The following MROH7 variants were observed in gnomAD, a reference collection of about 807,000 sequenced individuals.
The protein encoded by MROH7 is maestro heat like repeat family member 7, also known as maestro heat-like repeat-containing protein family member 7.
MROH7 carries 113 observed loss-of-function variants against 129.2 expected under a neutral mutation model. That is an observed-to-expected ratio of 0.87 (90% CI 0.75 to 1.02). MROH7 has a LOEUF of 1.02. Ranked by LOEUF, MROH7 falls within the 50% of genes least tolerant of loss-of-function variation. The pLI, the probability that MROH7 is intolerant of heterozygous loss-of-function variation, is 0.00. For synonymous variants in MROH7, 655 were observed against 667.9 expected (o/e 0.98, Z 0.30); for missense variants, 1,601 against 1,671.3 (o/e 0.96, Z 0.73).
At chr1:54,670,677 ACCCCTCGCCCGGTGCCTTTTCCCCT>A (rs1644884532) in intron 6 of MROH7, 98 bp from the exon 7 acceptor site, 4 of 338,000 alleles carry the variant, frequency 1.2e-5, no homozygotes, top group African/African-American at 5.0e-5. Flanking sequence ...ACCCGCCCCC[ACCCCTCGCCCGGTGCCTTTTCCCCT>A]CCCCTTGCCC....
chr1:54,659,115 A>G (rs375183790), intron 3 of MROH7: 3 of 443,188 alleles, frequency 6.8e-6, no homozygotes, highest in East Asian at 7.4e-5. Context: ...TTTTTTTTAG[A>G]TGGAGTTTCA....
chr1:54,658,715 C>T (rs473223), intron 3 of MROH7, among the ~76,000 whole-genome samples: 127,239 of 152,050 alleles, frequency 0.84, 53,833 homozygotes, highest in East Asian at 1. Context: ...TAATCCTTCT[C>T]CTGGGGCTAG....
At chr1:54,645,300 G>T (rs1313766048) in intron 1 of MROH7, among the ~76,000 whole-genome samples, 2 of 151,640 alleles carry the variant, frequency 1.3e-5, no homozygotes, top group Non-Finnish European at 2.9e-5. Flanking sequence ...TTCTGAGACA[G>T]TCTTGCTCTG....
intron 2 of MROH7, among the ~76,000 whole-genome samples, chr1:54,652,314 C>T (rs1644570637): frequency 6.6e-6 from 1 of 152,188 alleles, no homozygotes; most frequent in African/African-American, 2.4e-5. Flanking sequence ...TACCCTGTCA[C>T]ATGTGGCCAG....
intron 13 of MROH7, among the ~76,000 whole-genome samples, chr1:54,681,449 C>T (rs541335529): frequency 4.6e-5 from 7 of 152,302 alleles, no homozygotes; most frequent in African/African-American, 7.2e-5. Context: ...TATAGTGTCC[C>T]CATCAGTTCT....
chr1:54,645,339 G>C (rs1045518503), intron 1 of MROH7, among the ~76,000 whole-genome samples: 2 of 151,974 alleles, frequency 1.3e-5, no homozygotes, highest in African/African-American at 4.8e-5. Flanking sequence ...AGTGGTAGTG[G>C]TGCAATCTTG....
chr1:54,669,953 G>A (rs529273821), intron 5 of MROH7, among the ~76,000 whole-genome samples: 1 of 148,214 alleles, frequency 6.7e-6, no homozygotes, highest in South Asian at 2.1e-4. Context: ...GCAGTGAGCC[G>A]AGATTGTGCC....
intron 3 of MROH7, chr1:54,663,768 G>A: frequency 4.4e-6 from 2 of 453,608 alleles, no homozygotes; most frequent in Non-Finnish European, 8.8e-6. Context: ...GGTGTCTCAG[G>A]TTCATCCTGG....
At chr1:54,690,952 AG>A (rs1427370627) in intron 15 of MROH7, among the ~76,000 whole-genome samples, 46 of 152,326 alleles carry the variant, frequency 3.0e-4, no homozygotes, top group African/African-American at 1.1e-3. Context: ...AGGGTGGTCC[AG>A]TCACCGGAGG....
At chr1:54,700,955 G>A (rs946405769) in intron 18 of MROH7, among the ~76,000 whole-genome samples, 188 bp from the exon 19 acceptor site, 49 of 152,366 alleles carry the variant, frequency 3.2e-4, no homozygotes, top group Admixed American at 2.0e-3. Context: ...GAGTCAGTGA[G>A]GCCAAAGAAG....
chr1:54,692,556 G>A lies in MROH7; in HGVS notation c.2844G>A (p.Leu948=). Residue 948 remains leucine, a synonymous_variant, in exon 16 of 24, where the codon CTG becomes CTA. Coordinates refer to ENST00000421030, the MANE Select transcript of MROH7 (RefSeq NM_001039464.4). ...GCCACCACCGCGGAGTGGCCTTGCT[G>A]GCAAGGTGAGTCCCGGGACCACCTT... ...VESHHRGVAL[L]ARAMVQYSCQ... is the part of the protein sequence containing the mutation. 1 of 1,613,092 alleles carries A rather than the reference G, an allele frequency of 6.2e-7. No individual in the cohort carries two copies.
intron 10 of MROH7, among the ~76,000 whole-genome samples, chr1:54,677,618 C>G (rs938584251): frequency 6.6e-6 from 1 of 152,168 alleles, no homozygotes; most frequent in Non-Finnish European, 1.5e-5. Flanking sequence ...CTCTCCTTTA[C>G]AAACAGCACA....
At position 54,703,016 on chromosome 1, in the gene MROH7, C is replaced by T. The variant is rs1645464870; in HGVS notation, c.3564+271C>T. 6.6e-6 allele frequency among the ~76,000 whole-genome samples: 1 copy of T among 152,088 alleles called. No individual in the cohort carries two copies. Among genetic ancestry groups the T allele is most frequent in the Admixed American group, 6.6e-5 (1 of 15,258 alleles). ...GAGCCTGTGCCTTTTCCTTTCAATT[C>T]CTCCTTTTCCCTCTAGAGCCCCCAA... On this transcript the variant is annotated intron_variant, in intron 21 of 23. Transcript: ENST00000421030. The surrounding 1 kb of genome is among the most constrained non-coding windows in gnomAD (Gnocchi z 4.4).
intron 3 of MROH7, among the ~76,000 whole-genome samples, chr1:54,655,674 T>C (rs1168433480): frequency 2.0e-5 from 3 of 152,036 alleles, no homozygotes; most frequent in Non-Finnish European, 1.5e-5. Context: ...TGTTCCACCA[T>C]GCCCAGCCTC....
At chr1:54,679,758 CCTCT>C in intron 12 of MROH7, 129 bp from the exon 13 acceptor site, 2 of 870,982 alleles carry the variant, frequency 2.3e-6, no homozygotes, top group South Asian at 3.2e-5. Flanking sequence ...CTTGCCTCTT[CCTCT>C]CTCTCTCCTT....
At chr1:54,705,122 T>C (rs111659628) in intron 21 of MROH7, among the ~76,000 whole-genome samples, 1 of 152,332 alleles carries the variant, frequency 6.6e-6, no homozygotes, top group African/African-American at 2.4e-5. Context: ...TTAAACACTG[T>C]GCTTGTCATT....
intron 3 of MROH7, among the ~76,000 whole-genome samples, chr1:54,657,709 T>A (rs1363052181): frequency 6.7e-6 from 1 of 149,900 alleles, no homozygotes; most frequent in Non-Finnish European, 1.5e-5. Flanking sequence ...TGAGATGGAG[T>A]CTTGATTGCA....
intron 15 of MROH7, among the ~76,000 whole-genome samples, chr1:54,691,754 C>T (rs930554218): frequency 4.8e-5 from 7 of 144,814 alleles, no homozygotes; most frequent in South Asian, 2.2e-4. Context: ...TGCAGTGAGC[C>T]GAGATCGCAC....
At position 54,653,152 on chromosome 1, in the gene MROH7, G is replaced by T; in HGVS notation, c.226G>T (p.Val76Leu). The T allele has an allele frequency of 1.9e-6, 3 of 1,614,184 alleles. No homozygotes were observed. The highest frequency in any genetic ancestry group is 2.5e-6 in the Non-Finnish European group (3 of 1,180,034). The stretch of plus-strand genomic sequence containing the variant: ...AGTCTCAGGGGAGGCCTCAGGCCTG[G>T]TGTCTGAAAACACCCCCAGACCTGA... ...SPVSGEASGLVSENTPRPDDS... is the reference protein window; with the variant it reads ...SPVSGEASGLLSENTPRPDDS... Residue 76 changes from valine to leucine, a missense_variant, in exon 3 of 24, where the codon GTG becomes TTG. Val to Leu is a conservative substitution (Grantham distance 32). Coordinates refer to ENST00000421030, the MANE Select transcript of MROH7 (RefSeq NM_001039464.4).
Sources: gnomAD v4.1 joint callset for allele counts (sites outside exome capture counted in the v4.1 genomes callset) on GRCh38, gnomAD v4.1.1 for gene constraint, Gnocchi (gnomAD v3.1) non-coding constraint, MANE v1.5 for transcripts, NCBI Gene and HGNC (gene_info 2026-07-23, HGNC 2026-07-21) for gene names.